The following EBF1 variants were observed in gnomAD, a reference collection of about 807,000 sequenced individuals.
The protein encoded by EBF1 is EBF transcription factor 1.
A neutral mutation model predicts 68.4 loss-of-function variants in EBF1; 10 were observed. The ratio of observed to expected loss-of-function variants is 0.15; its 90% CI spans 0.09 to 0.25. The LOEUF (loss-of-function observed/expected upper bound fraction) is 0.25, where lower values mean the gene tolerates loss of function less well. Ranked by LOEUF, EBF1 falls within the 10% of genes least tolerant of loss-of-function variation. The pLI, the probability that EBF1 is intolerant of heterozygous loss-of-function variation, is 1.00. For missense variants in EBF1, 509 were observed against 794.4 expected, an observed-to-expected ratio of 0.64 and a Z score of 4.32; for synonymous variants, 298 against 299.8, an observed-to-expected ratio of 0.99 and a Z score of 0.06.
intron 6 of EBF1, among the ~76,000 whole-genome samples, chr5:158,940,777 C>CCCCCCCCCCCCCCCCCCCCCCA (rs1554083360): frequency 1.9e-5 from 1 of 51,556 alleles, no homozygotes; most frequent in African/African-American, 5.0e-5. Flanking sequence ...CCCCCCCCCC[C>CCCCCCCCCCCCCCCCCCCCCCA]CCGCAGGTCA....
intron 6 of EBF1, among the ~76,000 whole-genome samples, chr5:158,935,434 C>T (rs1485110013): frequency 6.6e-6 from 1 of 152,180 alleles, no homozygotes; most frequent in Non-Finnish European, 1.5e-5. Flanking sequence ...TGTCCCACTC[C>T]CAGATTAGCA....
chr5:158,835,522 C>A (rs985235097), intron 7 of EBF1, among the ~76,000 whole-genome samples: 5 of 152,154 alleles, frequency 3.3e-5, no homozygotes, highest in African/African-American at 4.8e-5. Context: ...CAGATGGCAC[C>A]TTTAGGCTCT....
intron 8 of EBF1, among the ~76,000 whole-genome samples, chr5:158,811,989 T>G (rs1215438003): frequency 2.6e-5 from 4 of 152,092 alleles, no homozygotes; most frequent in Admixed American, 2.6e-4. Flanking sequence ...CTCTTAGGAG[T>G]CTGTATTTGT....
chr5:158,882,405 T>C (rs548180319), intron 6 of EBF1, among the ~76,000 whole-genome samples: 1 of 152,068 alleles, frequency 6.6e-6, no homozygotes, highest in Admixed American at 6.6e-5. Context: ...TGAGTTGGCA[T>C]CCCCAGAGCC....
At chr5:159,031,950 C>T (rs1312606788) in intron 6 of EBF1, among the ~76,000 whole-genome samples, 1 of 152,170 alleles carries the variant, frequency 6.6e-6, no homozygotes, top group Non-Finnish European at 1.5e-5. Context: ...CTCCTCCCGT[C>T]TTCGAAGGAA....
At chr5:158,796,641 G>A (rs1023871818) in intron 8 of EBF1, among the ~76,000 whole-genome samples, 166 bp from the exon 9 acceptor site, 1 of 152,060 alleles carries the variant, frequency 6.6e-6, no homozygotes, top group Non-Finnish European at 1.5e-5. Context: ...GAAACTTCAG[G>A]GTGCAACTTC....
At chr5:159,043,043 C>T (rs1311244808) in intron 6 of EBF1, among the ~76,000 whole-genome samples, 1 of 152,092 alleles carries the variant, frequency 6.6e-6, no homozygotes, top group Non-Finnish European at 1.5e-5. Flanking sequence ...TTATGAAGCA[C>T]CTACTGTCTA....
chr5:158,698,031 G>T lies in EBF1; in HGVS notation c.*1080C>A, dbSNP rs1756022242. Reference sequence around the variant, plus strand: ...TGTTTCAATCTATTATGTTACAAATGGTAAGGGTCGACTGATAGAGGCAGT... The same window carrying T: ...TGTTTCAATCTATTATGTTACAAATTGTAAGGGTCGACTGATAGAGGCAGT... On this transcript the variant is annotated 3_prime_UTR_variant, in exon 16 of 16. Coordinates refer to ENST00000313708, the MANE Select transcript of EBF1 (RefSeq NM_024007.5). 4.7e-6 allele frequency: 1 copy of T among 214,434 alleles called. No individual in the cohort carries two copies. Among genetic ancestry groups the T allele is most frequent in the South Asian group, 1.9e-4 (1 of 5,346 alleles). 13.3% of individuals were successfully genotyped at this position (214,434 alleles called of 1,614,324 possible).
chr5:158,877,411 C>A (rs1024487961), intron 6 of EBF1, among the ~76,000 whole-genome samples: 1 of 152,108 alleles, frequency 6.6e-6, no homozygotes, highest in African/African-American at 2.4e-5. Flanking sequence ...TGCTACATCT[C>A]GGCAAAAATT....
At chr5:159,019,564 C>G (rs573377996) in intron 6 of EBF1, among the ~76,000 whole-genome samples, 1 of 152,260 alleles carries the variant, frequency 6.6e-6, no homozygotes, top group Non-Finnish European at 1.5e-5. Flanking sequence ...TATTTTTTCT[C>G]CAAAGTGTTT....
intron 6 of EBF1, among the ~76,000 whole-genome samples, chr5:158,973,957 C>T (rs965379897): frequency 2.0e-5 from 3 of 152,196 alleles, no homozygotes; most frequent in Non-Finnish European, 4.4e-5. Flanking sequence ...GCACAGACAC[C>T]TAGATCTTAT....
chr5:158,720,357 A>G (rs186517397), intron 11 of EBF1, among the ~76,000 whole-genome samples: 1 of 152,286 alleles, frequency 6.6e-6, no homozygotes, highest in Admixed American at 6.5e-5. Flanking sequence ...AGCTGGATGT[A>G]CAATGCAATA....
At position 158,999,584 on chromosome 5, in the gene EBF1, G is replaced by A. The variant is rs183876677; in HGVS notation, c.554+73812C>T. Among the ~76,000 whole-genome samples, 158 of 152,278 alleles carry A rather than the reference G, an allele frequency of 1.0e-3. 1 individual carries two copies. The highest frequency in any genetic ancestry group is 8.1e-3 in the South Asian group (39 of 4,820). The stretch of plus-strand genomic sequence containing the variant: ...ATCTATTCCAAGTGGCAAGTTTTCA[G>A]GATTATAAACAGAGAACTGATCAGT... On this transcript the variant is annotated intron_variant, in intron 6 of 15. Transcript: ENST00000313708.
intron 6 of EBF1, among the ~76,000 whole-genome samples, chr5:158,852,071 A>G (rs1422487014): frequency 3.0e-4 from 3 of 9,942 alleles, no homozygotes; most frequent in African/African-American, 4.8e-4. Flanking sequence ...AGGGGAGGAG[A>G]GGGGAGGGAG....
chr5:158,955,725 G>C (rs1024305086), intron 6 of EBF1, among the ~76,000 whole-genome samples: 1 of 152,098 alleles, frequency 6.6e-6, no homozygotes, highest in Admixed American at 6.5e-5. Context: ...ATCTTTAATC[G>C]ACTGATGTTT....
At chr5:158,928,920 G>C (rs1810270430) in intron 6 of EBF1, among the ~76,000 whole-genome samples, 1 of 152,176 alleles carries the variant, frequency 6.6e-6, no homozygotes, top group African/African-American at 2.4e-5. Flanking sequence ...CATATAATTT[G>C]AGACTTTTGC....
intron 4 of EBF1, among the ~76,000 whole-genome samples, chr5:159,088,095 A>G (rs1459882204): frequency 6.6e-6 from 1 of 152,138 alleles, no homozygotes; most frequent in Non-Finnish European, 1.5e-5. Flanking sequence ...TTAGCTCTAG[A>G]GTGGAATTCA....
intron 15 of EBF1, among the ~76,000 whole-genome samples, chr5:158,699,468 C>T (rs1214158276): frequency 3.3e-5 from 5 of 152,158 alleles, no homozygotes. Context: ...AGCTTCGAAC[C>T]TTGCAAAATA....
rs1156487838 is a variant in EBF1 at position 158,969,744 on chromosome 5, G to A, written c.554+103652C>T. Among the ~76,000 whole-genome samples, 6 of 150,790 alleles carry A rather than the reference G, an allele frequency of 4.0e-5. No homozygotes were observed. The East Asian group carries it at 7.8e-4, about 20-fold the overall frequency. On this transcript the variant is annotated intron_variant, in intron 6 of 15. Transcript: ENST00000313708. ...GAGCTGTAATCGTGCCACTGCATTC[G>A]AGCTTGGGTGATAGAGTGAGACTCT...
Sources: allele counts gnomAD v4.1 joint callset (sites outside exome capture counted in the v4.1 genomes callset), GRCh38; gene constraint gnomAD v4.1.1; transcripts MANE v1.5; gene names NCBI Gene and HGNC (gene_info 2026-07-23, HGNC 2026-07-21).